The following GPR89B variants were observed in gnomAD, a reference collection of about 807,000 sequenced individuals.
GPR89B encodes golgi pH regulator B, also known as G protein-coupled receptor 89B.
GPR89B carries 25 observed loss-of-function variants against 52.4 expected under a neutral mutation model. The observed-to-expected ratio is 0.48, with a 90% CI of 0.35 to 0.67. The LOEUF is 0.67. GPR89B is among the 30% of genes least tolerant of loss of function. The pLI is 0.01. For missense variants in GPR89B, 146 were observed against 450.2 expected (o/e 0.32, Z 6.11); for synonymous variants, 52 against 151.2 (o/e 0.34, Z 4.81).
the GPR89B span, among the ~76,000 whole-genome samples, chr1:148,000,791 AAAAAC>A: frequency 5.0e-3 from 726 of 145,570 alleles, 7 homozygotes; most frequent in African/African-American, 0.018. Context: ...AAAAAAAAAA[AAAAAC>A]AACAACAAAA....
At chr1:147,957,594 C>T (rs1200874398) in intron 7 of GPR89B, among the ~76,000 whole-genome samples, 7 of 151,996 alleles carry the variant, frequency 4.6e-5, no homozygotes, top group Non-Finnish European at 4.4e-5. Flanking sequence ...ATAATCATTT[C>T]TTACCTTCAT....
At position 147,970,533 on chromosome 1, in the gene GPR89B, CTATCTCTA is replaced by C. The variant is rs1390587485; in HGVS notation, c.909+576_909+583del. ...TCTCTCTCTCTCTCTCTCTCTCTCT[CTATCTCTA>C]TCTCTCTCTCTCTATCTCTCTCTCT... On this transcript the variant is annotated intron_variant, in intron 10 of 13. Transcript: ENST00000314163. Among the ~76,000 whole-genome samples, 643 of 124,972 alleles carry C rather than the reference CTATCTCTA, an allele frequency of 5.1e-3. 1 individual carries two copies. The highest frequency in any genetic ancestry group is 0.011 in the African/African-American group (347 of 30,892). The allele number at this position is 124,972 out of a possible 152,430, so 82.0% of individuals were successfully genotyped here.
chr1:147,949,348 T>C (rs192069941), intron 5 of GPR89B, among the ~76,000 whole-genome samples: 3,756 of 114,446 alleles, frequency 0.033, 442 homozygotes, highest in African/African-American at 0.12. Flanking sequence ...CGGGCAGAGG[T>C]GCCCCTCACC....
At chr1:147,995,443 C>T (rs1659294567), downstream of GPR89B, among the ~76,000 whole-genome samples, 1 of 151,786 alleles carries the variant, frequency 6.6e-6, no homozygotes, top group African/African-American at 2.4e-5. Context: ...GCCTCCTGTC[C>T]TCTACAATAA....
chr1:148,012,514 C>T, the GPR89B span, among the ~76,000 whole-genome samples: 2 of 129,644 alleles, frequency 1.5e-5, no homozygotes, highest in Admixed American at 1.5e-4. Flanking sequence ...CCCACCCCCG[C>T]AGCCCCCTCC....
Position 147,992,484 on chromosome 1 carries a change from C to A in GPR89B, c.1096-18C>A. ...ATCTAACAGTACTGCATAAATTTATCTCCCTCTTTCTTGACAGTTCTTTTA... is the reference window on the plus strand; with the variant it reads ...ATCTAACAGTACTGCATAAATTTATATCCCTCTTTCTTGACAGTTCTTTTA... On this transcript the variant is annotated intron_variant, in intron 12 of 13. Coordinates refer to ENST00000314163, the MANE Select transcript of GPR89B (RefSeq NM_016334.5). 2 of 1,611,264 alleles carry A rather than the reference C, an allele frequency of 1.2e-6. No individual in the cohort carries two copies. The highest frequency in any genetic ancestry group is 1.7e-6 in the Non-Finnish European group (2 of 1,179,450).
intron 1 of GPR89B, among the ~76,000 whole-genome samples, chr1:147,934,369 GT>G (rs1199513387): frequency 2.0e-5 from 3 of 152,094 alleles, no homozygotes; most frequent in African/African-American, 7.2e-5. Context: ...TAGAGATGGG[GT>G]TTCACCACGT....
At chr1:148,020,400 G>A in the GPR89B span, among the ~76,000 whole-genome samples, 2 of 150,062 alleles carry the variant, frequency 1.3e-5, no homozygotes, top group Non-Finnish European at 3.0e-5. Context: ...AAGAGAACAC[G>A]GTGAAAATCT....
intron 10 of GPR89B, among the ~76,000 whole-genome samples, chr1:147,981,205 T>C (rs1456970997): frequency 2.8e-5 from 4 of 144,608 alleles, no homozygotes; most frequent in Non-Finnish European, 6.1e-5. Flanking sequence ...CAGTGGCAGA[T>C]GCCTGTAATC....
chr1:147,949,150 G>T (rs1455063201), intron 5 of GPR89B, among the ~76,000 whole-genome samples: 1 of 152,086 alleles, frequency 6.6e-6, no homozygotes, highest in Non-Finnish European at 1.5e-5. Flanking sequence ...AAAGTCTCCC[G>T]GGTCTACCTC....
At chr1:147,966,125 G>A (rs1657019228) in intron 7 of GPR89B, among the ~76,000 whole-genome samples, 1 of 151,988 alleles carries the variant, frequency 6.6e-6, no homozygotes, top group Non-Finnish European at 1.5e-5. Context: ...GGGATTACAG[G>A]AGTGAGCCAC....
the GPR89B span, chr1:148,009,652 T>C: frequency 1.3e-6 from 1 of 774,928 alleles, no homozygotes; most frequent in Non-Finnish European, 2.1e-6. Context: ...CAGAGGGAAA[T>C]GCTGACCATC....
the GPR89B span, among the ~76,000 whole-genome samples, chr1:148,015,296 T>TCTCTCA: frequency 1.3e-5 from 1 of 79,968 alleles, no homozygotes; most frequent in Non-Finnish European, 2.4e-5. Context: ...TTCTAGGATC[T>TCTCTCA]CTCTCTCTCT....
chr1:147,958,015 C>G (rs2797010), intron 7 of GPR89B, among the ~76,000 whole-genome samples: 4,088 of 142,280 alleles, frequency 0.029, 104 homozygotes, highest in African/African-American at 0.061. Context: ...GGTAAGCCCA[C>G]ATCGCGCCAC....
chr1:147,994,305 A>G (rs1254356341), downstream of GPR89B: 5 of 1,519,070 alleles, frequency 3.3e-6, no homozygotes, highest in African/African-American at 4.2e-5. Flanking sequence ...TTTTCATCAC[A>G]TCTCTGTATC....
chr1:147,965,595 G>A (rs1177196859), intron 7 of GPR89B, among the ~76,000 whole-genome samples: 5 of 151,984 alleles, frequency 3.3e-5, no homozygotes, highest in Non-Finnish European at 5.9e-5. Context: ...TGTACTAGTC[G>A]GTCCTCCACA....
At chr1:147,995,878 C>T (rs1659303868), downstream of GPR89B, 1 of 1,388,452 alleles carries the variant, frequency 7.2e-7, no homozygotes, top group Non-Finnish European at 1.0e-6. Flanking sequence ...CAGGACCGCC[C>T]TTCTGTACCT....
At chr1:147,944,823 A>T (rs1654825126) in intron 5 of GPR89B, among the ~76,000 whole-genome samples, 2 of 147,948 alleles carry the variant, frequency 1.4e-5, no homozygotes, top group South Asian at 4.3e-4. Context: ...AGATTAGAGA[A>T]TCTATCTAAA....
At chr1:147,975,710 G>A (rs2149083184) in intron 10 of GPR89B, among the ~76,000 whole-genome samples, 2 of 152,274 alleles carry the variant, frequency 1.3e-5, no homozygotes, top group East Asian at 3.9e-4. Context: ...TTTGGGGTTT[G>A]TTTGCTCTTG....
Sources: gnomAD v4.1 joint callset for allele counts (sites outside exome capture counted in the v4.1 genomes callset) on GRCh38, gnomAD v4.1.1 for gene constraint, MANE v1.5 for transcripts, NCBI Gene and HGNC (gene_info 2026-07-23, HGNC 2026-07-21) for gene names.